Variants in ZNF536 observed in about 807,000 individuals in gnomAD.
ZNF536 encodes zinc finger protein 536.
Under a neutral mutation model 84.5 loss-of-function variants are expected in ZNF536, and 13 were observed. The observed-to-expected ratio is 0.15, with a 90% CI of 0.10 to 0.24. ZNF536 has a LOEUF of 0.24. Among genes scored for constraint, ZNF536 ranks in the 10% least tolerant of loss-of-function variants. The probability of loss-of-function intolerance (pLI) is 1.00; values close to 1 mark genes in which losing one functional copy is unlikely to be tolerated. For missense variants in ZNF536, 1,536 were observed against 1,747.5 expected, an observed-to-expected ratio of 0.88 and a Z score of 2.16; for synonymous variants, 811 against 742.5, an observed-to-expected ratio of 1.09 and a Z score of -1.50.
At chr19:30,494,362 C>T (rs2054629998) in intron 2 of ZNF536, among the ~76,000 whole-genome samples, 1 of 152,218 alleles carries the variant, frequency 6.6e-6, no homozygotes, top group Non-Finnish European at 1.5e-5. Context: ...TGCAAAGTTG[C>T]AGGCGTCTTG....
At chr19:30,406,555 C>T (rs936899348) in intron 1 of ZNF536, among the ~76,000 whole-genome samples, 1 of 152,288 alleles carries the variant, frequency 6.6e-6, no homozygotes, top group Admixed American at 6.5e-5. Context: ...GTATTTTTAG[C>T]TCCAAGCATT....
At chr19:30,334,272 C>A (rs544699308) in intron 2 of ZNF536, among the ~76,000 whole-genome samples, 2 of 152,128 alleles carry the variant, frequency 1.3e-5, no homozygotes, top group African/African-American at 4.8e-5. Flanking sequence ...CAAAGCTATG[C>A]GATTCTTGGG....
chr19:30,592,845 C>T (rs566698048), intron 1 of ZNF536, among the ~76,000 whole-genome samples: 27 of 152,258 alleles, frequency 1.8e-4, no homozygotes, highest in African/African-American at 5.8e-4. Context: ...CTAGATATAG[C>T]GCATTTCTCA....
At chr19:30,303,952 G>A (rs566179061) in intron 2 of ZNF536, among the ~76,000 whole-genome samples, 98 of 152,270 alleles carry the variant, frequency 6.4e-4, no homozygotes, top group Admixed American at 1.4e-3. Context: ...GCAAGCACAC[G>A]TGCCAGGGAG....
chr19:30,282,877 GA>G (rs1220605915), intron 1 of ZNF536, among the ~76,000 whole-genome samples: 1 of 152,202 alleles, frequency 6.6e-6, no homozygotes, highest in Non-Finnish European at 1.5e-5. Flanking sequence ...AGATGGTTGA[GA>G]CATCAGGTTT....
intron 1 of ZNF536, among the ~76,000 whole-genome samples, chr19:30,567,572 C>T (rs1001240297): frequency 3.1e-4 from 47 of 152,158 alleles, no homozygotes; most frequent in African/African-American, 7.2e-5. Context: ...GAGAGGGCCC[C>T]GAGGAAACCT....
chr19:30,701,136 G>A (rs894342244), intron 1 of ZNF536, among the ~76,000 whole-genome samples: 1 of 152,070 alleles, frequency 6.6e-6, no homozygotes, highest in African/African-American at 2.4e-5. Context: ...CAGCTTTGAT[G>A]GGCTTCTGTT....
chr19:30,689,448 A>G (rs1321048506), intron 1 of ZNF536, among the ~76,000 whole-genome samples: 1 of 152,226 alleles, frequency 6.6e-6, no homozygotes, highest in East Asian at 1.9e-4. Flanking sequence ...GGAAATGCTC[A>G]TTGCTGCTTT....
intron 2 of ZNF536, among the ~76,000 whole-genome samples, chr19:30,466,767 A>AGGAAGGAG (rs2053428349): frequency 2.1e-5 from 2 of 97,174 alleles, no homozygotes; most frequent in African/African-American, 4.8e-5. Flanking sequence ...GAAGGAAGGA[A>AGGAAGGAG]GGAAGGAAGG....
intron 1 of ZNF536, among the ~76,000 whole-genome samples, chr19:30,631,093 C>G (rs1036008111): frequency 3.3e-5 from 5 of 152,198 alleles, no homozygotes; most frequent in African/African-American, 1.2e-4. Context: ...GGAGGCTGGG[C>G]CGTGCAGCCG....
At chr19:30,706,997 T>C (rs1043285367) in intron 1 of ZNF536, among the ~76,000 whole-genome samples, 6 of 152,228 alleles carry the variant, frequency 3.9e-5, no homozygotes, top group African/African-American at 1.4e-4. Flanking sequence ...GGCCTCCAGC[T>C]ACAAATTGGG....
At chr19:30,484,175 T>A (rs1013259905) in intron 2 of ZNF536, among the ~76,000 whole-genome samples, 2 of 151,348 alleles carry the variant, frequency 1.3e-5, no homozygotes, top group Non-Finnish European at 1.5e-5. Flanking sequence ...TGGATGAATG[T>A]ATGTCCCAGA....
chr19:30,265,888 CT>C (rs772163138), intron 1 of ZNF536, among the ~76,000 whole-genome samples: 8 of 149,598 alleles, frequency 5.3e-5, no homozygotes, highest in East Asian at 3.9e-4. Context: ...TTTCTCTTTT[CT>C]TTTTTTTTTC....
chr19:30,320,580 G>C (rs1055999334), intron 2 of ZNF536, among the ~76,000 whole-genome samples: 1 of 152,138 alleles, frequency 6.6e-6, no homozygotes, highest in Non-Finnish European at 1.5e-5. Context: ...GGGGCAAGGG[G>C]TTCTCTGGGC....
chr19:30,492,468 T>A (rs2054547085), intron 2 of ZNF536, among the ~76,000 whole-genome samples: 2 of 152,222 alleles, frequency 1.3e-5, no homozygotes, highest in South Asian at 4.1e-4. Context: ...TGAGGTATCA[T>A]ATATCAGAAC....
intron 2 of ZNF536, among the ~76,000 whole-genome samples, chr19:30,347,509 A>G (rs1198881557): frequency 6.6e-6 from 1 of 152,244 alleles, no homozygotes; most frequent in Non-Finnish European, 1.5e-5. Flanking sequence ...TGCCAGGGCC[A>G]TGAGCCAAGC....
intron 2 of ZNF536, among the ~76,000 whole-genome samples, chr19:30,457,838 C>A (rs2052927118): frequency 6.6e-6 from 1 of 152,202 alleles, no homozygotes; most frequent in Non-Finnish European, 1.5e-5. Flanking sequence ...CCCACAGGGG[C>A]TCTGGGTGTC....
intron 1 of ZNF536, among the ~76,000 whole-genome samples, chr19:30,373,928 GGCCGCAGCCCACCCGCC>G (rs1180976873): frequency 6.6e-6 from 1 of 152,212 alleles, no homozygotes; most frequent in East Asian, 1.9e-4. Flanking sequence ...CCAGCCCCAG[GGCCGCAGCCCACCCGCC>G]GCCCGCCTGT....
At chr19:30,463,042 G>T (rs534571358) in intron 2 of ZNF536, among the ~76,000 whole-genome samples, 1 of 141,202 alleles carries the variant, frequency 7.1e-6, no homozygotes, top group African/African-American at 2.5e-5. Context: ...GTATCCGTAC[G>T]CATTTGCCTG....
Sources: allele counts gnomAD v4.1 joint callset (sites outside exome capture counted in the v4.1 genomes callset), GRCh38; gene constraint gnomAD v4.1.1; transcripts MANE v1.5; gene names NCBI Gene and HGNC (gene_info 2026-07-23, HGNC 2026-07-21).